NALCN: variants seen among roughly 807,000 people sequenced by gnomAD.
The protein encoded by NALCN is sodium leak channel, non-selective, also known as sodium leak channel NALCN.
In NALCN, 111 loss-of-function variants were observed where a neutral mutation model predicts 225.3. The ratio of observed to expected loss-of-function variants is 0.49; its 90% CI spans 0.42 to 0.58. NALCN has a LOEUF of 0.58. NALCN is among the 20% of genes least tolerant of loss of function. NALCN has a pLI of 0.00. For synonymous variants in NALCN, 764 were observed against 769.0 expected, an observed-to-expected ratio of 0.99 and a Z score of 0.11; for missense variants, 1,378 against 2,202.4, an observed-to-expected ratio of 0.63 and a Z score of 7.49.
At chr13:101,084,774 T>G (rs1356569653) in intron 30 of NALCN, among the ~76,000 whole-genome samples, 1 of 152,218 alleles carries the variant, frequency 6.6e-6, no homozygotes. Flanking sequence ...ATCCATGTAC[T>G]GTCTCACAGT....
chr13:101,106,208 A>G (rs2035089772), intron 22 of NALCN, among the ~76,000 whole-genome samples: 1 of 152,078 alleles, frequency 6.6e-6, no homozygotes, highest in Non-Finnish European at 1.5e-5. Context: ...TCTTAAGGAA[A>G]CCAATCATAT....
chr13:101,347,958 G>A (rs1249423003), intron 6 of NALCN, among the ~76,000 whole-genome samples: 1 of 152,110 alleles, frequency 6.6e-6, no homozygotes, highest in Non-Finnish European at 1.5e-5. Context: ...TAAAAGAGGA[G>A]AAGAAACTTT....
chr13:101,139,642 C>G (rs550427928), intron 17 of NALCN, among the ~76,000 whole-genome samples: 14 of 151,772 alleles, frequency 9.2e-5, no homozygotes, highest in Non-Finnish European at 1.8e-4. Flanking sequence ...CCCTGCCTGT[C>G]ACTTTACTGT....
intron 10 of NALCN, among the ~76,000 whole-genome samples, chr13:101,277,557 AT>A (rs2043007812): frequency 6.6e-6 from 1 of 152,164 alleles, no homozygotes; most frequent in African/African-American, 2.4e-5. Flanking sequence ...AGGGTTACAT[AT>A]TTAACACATC....
At chr13:101,175,885 C>T (rs1488725643) in intron 15 of NALCN, among the ~76,000 whole-genome samples, 1 of 152,188 alleles carries the variant, frequency 6.6e-6, no homozygotes, top group African/African-American at 2.4e-5. Flanking sequence ...GGCACCCAGA[C>T]TAAATTGTCC....
intron 34 of NALCN, among the ~76,000 whole-genome samples, chr13:101,076,896 T>C (rs1047137941): frequency 6.6e-6 from 1 of 152,144 alleles, no homozygotes; most frequent in Non-Finnish European, 1.5e-5. Flanking sequence ...TAGGTTGCAT[T>C]TCGATATGGT....
At chr13:101,259,577 G>A (rs1353551106) in intron 10 of NALCN, among the ~76,000 whole-genome samples, 6 of 151,070 alleles carry the variant, frequency 4.0e-5, no homozygotes, top group Admixed American at 6.6e-5. Flanking sequence ...CTCATGATCC[G>A]CCCGCCTCGG....
chr13:101,091,980 T>A (rs2139560327), intron 28 of NALCN, among the ~76,000 whole-genome samples: 1 of 152,306 alleles, frequency 6.6e-6, no homozygotes, highest in South Asian at 2.1e-4. Context: ...ATGTAAAGTG[T>A]TTTCTTATGC....
In NALCN at chr13:101,202,942, C is replaced by T. The variant is rs145936356; in HGVS notation, c.1627-10888G>A. ...GTGAGGTCAAGAACCAAGTACTCAG[C>T]CTCTGCTTTCACAGCGTCTGAGTCT... On this transcript the variant is annotated intron_variant, in intron 13 of 43. Transcript: ENST00000251127. Among the ~76,000 whole-genome samples, 644 of 152,282 alleles carry T rather than the reference C, an allele frequency of 4.2e-3. 7 individuals are homozygous for T. Among genetic ancestry groups the T allele is most frequent in the African/African-American group, 0.015 (610 of 41,564 alleles).
intron 13 of NALCN, among the ~76,000 whole-genome samples, chr13:101,208,134 A>G (rs2040390011): frequency 6.6e-6 from 1 of 152,202 alleles, no homozygotes; most frequent in Non-Finnish European, 1.5e-5. Context: ...ATGAACTGTA[A>G]CACTCACCAC....
chr13:101,322,018 A>T (rs1335643487), intron 7 of NALCN, among the ~76,000 whole-genome samples: 1 of 152,214 alleles, frequency 6.6e-6, no homozygotes, highest in East Asian at 1.9e-4. Flanking sequence ...TTACTTTACA[A>T]GTCAAACATG....
At chr13:101,258,369 T>G (rs565124699) in intron 11 of NALCN, 74 bp downstream of exon 11, 5 of 1,581,144 alleles carry the variant, frequency 3.2e-6, no homozygotes, top group Admixed American at 1.7e-5. Context: ...ACTTCACTTT[T>G]GCATCTCTAA....
intron 6 of NALCN, among the ~76,000 whole-genome samples, chr13:101,370,791 C>A (rs1264272525): frequency 3.9e-5 from 6 of 152,166 alleles, no homozygotes; most frequent in Non-Finnish European, 8.8e-5. Flanking sequence ...ATAAACTGCA[C>A]ATACGAAAGT....
intron 7 of NALCN, among the ~76,000 whole-genome samples, chr13:101,310,319 C>T (rs774001494): frequency 3.3e-5 from 5 of 152,106 alleles, no homozygotes; most frequent in Non-Finnish European, 7.4e-5. Context: ...CCTTTCCAAT[C>T]GTATTCCCTT....
chr13:101,278,821 A>G (rs2043051791), intron 10 of NALCN, among the ~76,000 whole-genome samples: 1 of 152,196 alleles, frequency 6.6e-6, no homozygotes, highest in South Asian at 2.1e-4. Flanking sequence ...CTCCAACGAC[A>G]TGCATATAGA....
intron 43 of NALCN, 42 bp from the exon 44 acceptor site, chr13:101,055,530 C>T (rs1011992158): frequency 2.6e-6 from 4 of 1,564,928 alleles, no homozygotes; most frequent in Non-Finnish European, 3.5e-6. Flanking sequence ...GGTATTGCTT[C>T]ACCCTATTGT....
At chr13:101,271,939 A>AGT (rs1055388575) in intron 10 of NALCN, among the ~76,000 whole-genome samples, 2 of 142,844 alleles carry the variant, frequency 1.4e-5, no homozygotes, top group Non-Finnish European at 3.0e-5. Context: ...GTACGTGTGA[A>AGT]GTGTGTGTGC....
At chr13:101,245,691 C>A (rs1299992061) in intron 11 of NALCN, among the ~76,000 whole-genome samples, 2 of 149,914 alleles carry the variant, frequency 1.3e-5, no homozygotes, top group Non-Finnish European at 3.0e-5. Flanking sequence ...GGTCTGGAGG[C>A]AGGGAACCTA....
intron 28 of NALCN, among the ~76,000 whole-genome samples, chr13:101,091,720 T>C: frequency 6.6e-6 from 1 of 152,186 alleles, no homozygotes. Flanking sequence ...ATAAGGATTT[T>C]TTACAAGCAA....
Sources: gnomAD v4.1 joint callset for allele counts (sites outside exome capture counted in the v4.1 genomes callset) on GRCh38, gnomAD v4.1.1 for gene constraint, MANE v1.5 for transcripts, NCBI Gene and HGNC (gene_info 2026-07-23, HGNC 2026-07-21) for gene names.